Variants in DCLRE1C observed in about 807,000 individuals in gnomAD.
DCLRE1C encodes protein artemis.
In DCLRE1C, 47 loss-of-function variants were observed where a neutral mutation model predicts 61.4. The observed-to-expected ratio is 0.77, with a 90% CI of 0.61 to 0.98. DCLRE1C has a LOEUF of 0.98. Ranked by LOEUF, DCLRE1C falls within the 50% of genes least tolerant of loss-of-function variation. DCLRE1C has a pLI of 0.00. For synonymous variants in DCLRE1C, 337 were observed against 287.6 expected (o/e 1.17, Z -1.74); for missense variants, 858 against 816.0 (o/e 1.05, Z -0.63).
At chr10:14,933,099 A>C (rs532158176) in intron 8 of DCLRE1C, 144 bp from the exon 9 acceptor site, 2 of 878,142 alleles carry the variant, frequency 2.3e-6, no homozygotes, top group Non-Finnish European at 3.6e-6. Context: ...TATTCAGTGC[A>C]CTCTGGTATT....
intron 2 of DCLRE1C, among the ~76,000 whole-genome samples, chr10:14,947,125 T>C (rs1459992795): frequency 6.6e-6 from 1 of 152,008 alleles, no homozygotes; most frequent in Non-Finnish European, 1.5e-5. Flanking sequence ...GCTGGGAGAA[T>C]TGCTTGAACC....
intron 8 of DCLRE1C, 135 bp from the exon 9 acceptor site, chr10:14,933,090 A>AT: frequency 2.1e-6 from 2 of 958,462 alleles, no homozygotes; most frequent in Non-Finnish European, 3.2e-6. Context: ...GTTTTTGGCT[A>AT]TTCAGTGCAC....
At chr10:14,940,054 G>C (rs1372054901) in intron 3 of DCLRE1C, among the ~76,000 whole-genome samples, 185 bp from the exon 4 acceptor site, 6 of 152,132 alleles carry the variant, frequency 3.9e-5, no homozygotes, top group African/African-American at 7.2e-5. Context: ...TACCTGTCTT[G>C]AGGCAGATTT....
downstream of DCLRE1C, chr10:14,899,813 G>A: frequency 6.1e-6 from 7 of 1,140,372 alleles, no homozygotes; most frequent in Non-Finnish European, 8.5e-6. Flanking sequence ...ATTTTATAAG[G>A]AGGGCAGCTT....
chr10:14,947,522 G>C (rs1841878741), intron 2 of DCLRE1C: 1 of 152,278 alleles, frequency 6.6e-6, no homozygotes, highest in Non-Finnish European at 1.5e-5. Context: ...CAATCAGACA[G>C]ACCTGGCTGG....
chr10:14,927,329 G>T (rs990441356), intron 10 of DCLRE1C, among the ~76,000 whole-genome samples: 2 of 146,286 alleles, frequency 1.4e-5, no homozygotes, highest in Non-Finnish European at 3.0e-5. Context: ...AGGCTGCAGT[G>T]AGCTGAGATC....
rs747849702 is a variant in DCLRE1C, at chr10:14,939,865, G to A, written c.251C>T (p.Ser84Phe). The A allele has an allele frequency of 6.3e-7, 1 of 1,592,008 alleles. No individual in the cohort carries two copies. The highest frequency in any genetic ancestry group is 8.6e-7 in the Non-Finnish European group (1 of 1,162,156). ...CTGGGTAGGAGTCTCGATTTCAATA[G>A]ATATCTATAAAAATAAAATAAGAGA... ...KYRFWKKRIISIEIETPTQIS... is the reference protein window; with the variant it reads ...KYRFWKKRIIFIEIETPTQIS... The change falls in exon 4 of 14, where the codon TCT (serine) becomes TTT (phenylalanine). Residue 84 changes from serine to phenylalanine, a missense_variant. By Grantham distance (155) the Ser-to-Phe change is radical. Around this residue, in one of 2 missense-constraint regions of DCLRE1C, gnomAD observed 843 missense variants for 783.5 expected, o/e 1.08. Coordinates refer to ENST00000378278, the MANE Select transcript of DCLRE1C (RefSeq NM_001033855.3).
At chr10:14,940,097 A>G (rs578081408) in intron 3 of DCLRE1C, among the ~76,000 whole-genome samples, 1 of 152,334 alleles carries the variant, frequency 6.6e-6, no homozygotes, top group South Asian at 2.1e-4. Context: ...GTAAATGCAT[A>G]TAATCCTCTG....
intron 11 of DCLRE1C, among the ~76,000 whole-genome samples, chr10:14,924,630 C>T (rs1226354215): frequency 6.6e-6 from 1 of 152,036 alleles, no homozygotes; most frequent in Non-Finnish European, 1.5e-5. Context: ...GGGTGGATCA[C>T]AAGGTCAGGA....
Position 14,946,136 on chromosome 10 carries a change from G to A in DCLRE1C, c.162-947C>T, listed in dbSNP as rs565538030. 2.6e-5 allele frequency among the ~76,000 whole-genome samples: 4 copies of A among 151,560 alleles called. No individual in the cohort carries two copies. The East Asian group carries it at 7.8e-4, about 30-fold the overall frequency. ...CGATTCTCCTGTCTTAGCCTCTTGAGTAGCTGGGACTACATGCGCACCACC... is the reference window on the plus strand; with the variant it reads ...CGATTCTCCTGTCTTAGCCTCTTGAATAGCTGGGACTACATGCGCACCACC... On this transcript the variant is annotated intron_variant, in intron 2 of 13. Transcript: ENST00000378278.
At chr10:14,917,975 C>A (rs570233109) in intron 13 of DCLRE1C, among the ~76,000 whole-genome samples, 15 of 152,260 alleles carry the variant, frequency 9.9e-5, no homozygotes, top group African/African-American at 3.6e-4. Flanking sequence ...TCACTGCACA[C>A]CTATTAGGAT....
intron 11 of DCLRE1C, among the ~76,000 whole-genome samples, chr10:14,925,225 T>TAAAAAAAAAAAA (rs67477083): frequency 1.8e-5 from 2 of 109,326 alleles, no homozygotes; most frequent in East Asian, 2.7e-4. Flanking sequence ...ATAAAGGATT[T>TAAAAAAAAAAAA]AAAAAAAAAA....
rs557886549 is a variant in DCLRE1C, at chr10:14,924,870, A to T, written c.973-1801T>A. Reference sequence around the variant, plus strand: ...TCAAAAAAATAAATAAATAAAAATTAAAAAATTAAAAAAAAAATCATCCAT... The same window carrying T: ...TCAAAAAAATAAATAAATAAAAATTTAAAAATTAAAAAAAAAATCATCCAT... On this transcript the variant is annotated intron_variant, in intron 11 of 13. Transcript: ENST00000378278. Among the ~76,000 whole-genome samples, 41 of 151,974 alleles carry T rather than the reference A, an allele frequency of 2.7e-4. No homozygotes were observed. Among genetic ancestry groups the T allele is most frequent in the African/African-American group, 6.8e-4 (28 of 41,412 alleles).
intron 3 of DCLRE1C, among the ~76,000 whole-genome samples, chr10:14,940,699 A>G (rs1416125564): frequency 2.1e-4 from 32 of 152,278 alleles, no homozygotes; most frequent in African/African-American, 4.1e-4. Flanking sequence ...GAATAGATCA[A>G]TGTGATTTTT....
At chr10:14,939,048 C>T (rs1032818242) in intron 4 of DCLRE1C, among the ~76,000 whole-genome samples, 6 of 152,282 alleles carry the variant, frequency 3.9e-5, no homozygotes, top group Non-Finnish European at 7.3e-5. Flanking sequence ...GCATAGAAGC[C>T]TTGTGAGTGA....
chr10:14,939,970 ACT>A (rs911444293), intron 3 of DCLRE1C, 101 bp from the exon 4 acceptor site: 5 of 870,276 alleles, frequency 5.7e-6, no homozygotes, highest in African/African-American at 5.1e-5. Flanking sequence ...GAAGTTTCAG[ACT>A]CTCTATATAA....
chr10:14,924,808 C>T (rs1407303197), intron 11 of DCLRE1C, among the ~76,000 whole-genome samples: 2 of 151,832 alleles, frequency 1.3e-5, no homozygotes, highest in Non-Finnish European at 2.9e-5. Context: ...GATCACGCCA[C>T]TGCACTCCAG....
intron 5 of DCLRE1C, 129 bp downstream of exon 5, chr10:14,936,409 A>C: frequency 1.4e-6 from 1 of 702,316 alleles, no homozygotes; most frequent in East Asian, 2.8e-5. Flanking sequence ...CAGCCTCCCA[A>C]AGCACTGGGA....
chr10:14,920,105 A>T (rs1297405347), intron 12 of DCLRE1C, among the ~76,000 whole-genome samples: 1 of 152,194 alleles, frequency 6.6e-6, no homozygotes, highest in Non-Finnish European at 1.5e-5. Flanking sequence ...TCTTATTGTT[A>T]CATCAGTAGA....
Sources: gnomAD v4.1 joint callset for allele counts (sites outside exome capture counted in the v4.1 genomes callset) on GRCh38, gnomAD v4.1.1 for gene constraint, gnomAD v4.1.1 regional missense constraint, MANE v1.5 for transcripts, NCBI Gene and HGNC (gene_info 2026-07-23, HGNC 2026-07-21) for gene names.